TRPM7: variants seen among roughly 807,000 people sequenced by gnomAD.
The protein encoded by TRPM7 is LTRPC ion channel family member 7.
Under a neutral mutation model 229.7 loss-of-function variants are expected in TRPM7, and 134 were observed. The observed-to-expected ratio is 0.58, with a 90% confidence interval of 0.51 to 0.67. The LOEUF is 0.67. Among genes scored for constraint, TRPM7 ranks in the 30% least tolerant of loss-of-function variants. The probability of loss-of-function intolerance (pLI) is 0.00; values close to 1 mark genes in which losing one functional copy is unlikely to be tolerated. For synonymous variants in TRPM7, 699 were observed against 715.2 expected, an observed-to-expected ratio of 0.98 and a Z score of 0.36; for missense variants, 1,901 against 2,210.0, an observed-to-expected ratio of 0.86 and a Z score of 2.80.
intron 11 of TRPM7, 111 bp downstream of exon 11, chr15:50,628,038 T>C (rs1014185796): frequency 1.3e-5 from 10 of 747,148 alleles, no homozygotes; most frequent in African/African-American, 8.9e-5. Context: ...TAAACTATTT[T>C]TGAACTATTG....
At chr15:50,665,325 CAGAGATTGCAGTGAGCCA>C (rs1253614897) in intron 1 of TRPM7, among the ~76,000 whole-genome samples, 2 of 150,772 alleles carry the variant, frequency 1.3e-5, no homozygotes, top group South Asian at 2.1e-4. Context: ...ACCCGGGAGG[CAGAGATTGCAGTGAGCCA>C]AGATCATGCC....
At chr15:50,618,403 T>C (rs1289099570) in intron 13 of TRPM7, among the ~76,000 whole-genome samples, 1 of 151,954 alleles carries the variant, frequency 6.6e-6, no homozygotes, top group East Asian at 1.9e-4. Flanking sequence ...ACCCCGTCTC[T>C]ACTAAAAATA....
intron 6 of TRPM7, 22 bp downstream of exon 6, chr15:50,639,401 GA>G: frequency 6.5e-7 from 1 of 1,545,368 alleles, no homozygotes; most frequent in Non-Finnish European, 8.8e-7. Flanking sequence ...TCAAACATAA[GA>G]AATTTTAAAA....
intron 1 of TRPM7, among the ~76,000 whole-genome samples, chr15:50,665,377 A>G (rs532744669): frequency 4.2e-4 from 63 of 148,812 alleles, no homozygotes; most frequent in Non-Finnish European, 7.9e-4. Flanking sequence ...CTGGGTGAAA[A>G]GAGTAAAACT....
intron 13 of TRPM7, among the ~76,000 whole-genome samples, chr15:50,617,374 G>A (rs1465406279): frequency 6.6e-6 from 1 of 150,484 alleles, no homozygotes; most frequent in East Asian, 2.0e-4. Flanking sequence ...TTGGTGGCAG[G>A]CACCTGCAAT....
At chr15:50,615,432 T>G (rs2060197927) in intron 13 of TRPM7, among the ~76,000 whole-genome samples, 1 of 152,162 alleles carries the variant, frequency 6.6e-6, no homozygotes, top group African/African-American at 2.4e-5. Flanking sequence ...CATGGCAATT[T>G]ACAAATGCAC....
intron 10 of TRPM7, among the ~76,000 whole-genome samples, 174 bp from the exon 11 acceptor site, chr15:50,628,423 T>G (rs950144660): frequency 6.6e-6 from 1 of 152,108 alleles, no homozygotes; most frequent in Non-Finnish European, 1.5e-5. Context: ...ACCTCCCGCC[T>G]TAGCCTCCAA....
At chr15:50,679,569 T>C (rs2062199553) in intron 1 of TRPM7, among the ~76,000 whole-genome samples, 1 of 139,714 alleles carries the variant, frequency 7.2e-6, no homozygotes, top group African/African-American at 2.8e-5. Flanking sequence ...AGAGTCTTGT[T>C]TTGTCACCCA....
In TRPM7 at chr15:50,611,310, T is replaced by G. The variant is rs1290692738; in HGVS notation, c.2063A>C (p.Gln688Pro). 1 of 1,612,922 alleles carries G rather than the reference T, an allele frequency of 6.2e-7. No individual in the cohort carries two copies. The highest frequency in any genetic ancestry group is 1.1e-5 in the South Asian group (1 of 90,966). Residue 688 changes from glutamine (Q) to proline (P), a missense_variant, in exon 17 of 39, where the codon CAG (glutamine) becomes CCG (proline). By Grantham distance (76) the Gln-to-Pro change is moderately conservative. Coordinates refer to ENST00000646667, the MANE Select transcript of TRPM7 (RefSeq NM_017672.6). Reference sequence around the variant, plus strand: ...CTGTTCTAATAATTCAACGGCCAACTGACCAAAATCACTATAAAAAGATAA... The same window carrying G: ...CTGTTCTAATAATTCAACGGCCAACGGACCAAAATCACTATAAAAAGATAA... Reference protein sequence around the residue: ...ELKQYSNDFGQLAVELLEQSF... With the variant: ...ELKQYSNDFGPLAVELLEQSF...
intron 28 of TRPM7, among the ~76,000 whole-genome samples, chr15:50,585,338 C>T (rs1180985802): frequency 6.6e-6 from 1 of 152,216 alleles, no homozygotes; most frequent in Non-Finnish European, 1.5e-5. Flanking sequence ...GCTAGGATTA[C>T]AGGCGTAAGC....
intron 19 of TRPM7, 45 bp from the exon 20 acceptor site, chr15:50,607,373 T>C (rs761691254): frequency 2.8e-6 from 4 of 1,438,346 alleles, no homozygotes; most frequent in Non-Finnish European, 2.8e-6. Flanking sequence ...GGTTACAAAA[T>C]AAATCTTTTA....
At chr15:50,623,964 T>C (rs1311052421) in intron 12 of TRPM7, among the ~76,000 whole-genome samples, 1 of 152,126 alleles carries the variant, frequency 6.6e-6, no homozygotes, top group Non-Finnish European at 1.5e-5. Context: ...TATGTGGTTA[T>C]GGTGACAGGG....
At position 50,593,000 on chromosome 15, in the gene TRPM7, A is replaced by G. The variant is rs191116282; in HGVS notation, c.3609-374T>C. Among the ~76,000 whole-genome samples, 3 of 152,286 alleles carry G rather than the reference A, an allele frequency of 2.0e-5. No homozygotes were observed. In the East Asian group the frequency reaches 5.8e-4, roughly 29 times the overall value. On this transcript the variant is annotated intron_variant, in intron 25 of 38. Transcript: ENST00000646667. ...AATGTAGTGAAGCCAACAGAAAAAA[A>G]GAAATGCTGGCCAGGCACAGTGGCT...
At chr15:50,668,036 ATTCT>A (rs796615230) in intron 1 of TRPM7, among the ~76,000 whole-genome samples, 8 of 152,332 alleles carry the variant, frequency 5.3e-5, no homozygotes, top group African/African-American at 1.7e-4. Flanking sequence ...GGTAACCAAA[ATTCT>A]TTGTCAATCG....
At chr15:50,612,371 G>C (rs549469221) in intron 16 of TRPM7, among the ~76,000 whole-genome samples, 178 bp downstream of exon 16, 11 of 152,040 alleles carry the variant, frequency 7.2e-5, no homozygotes, top group Non-Finnish European at 1.5e-4. Context: ...CTTTTTCATA[G>C]AGGCAGAAAG....
At chr15:50,677,430 C>G (rs1435044519) in intron 1 of TRPM7, among the ~76,000 whole-genome samples, 1 of 151,748 alleles carries the variant, frequency 6.6e-6, no homozygotes, top group Non-Finnish European at 1.5e-5. Context: ...CACACACACA[C>G]AGAGCACAGG....
intron 12 of TRPM7, among the ~76,000 whole-genome samples, chr15:50,621,568 T>G (rs1481821965): frequency 6.6e-6 from 1 of 152,196 alleles, no homozygotes; most frequent in African/African-American, 2.4e-5. Flanking sequence ...TTCATTCTTA[T>G]TCTCTCAGTG....
chr15:50,671,039 T>G (rs556490834), intron 1 of TRPM7, among the ~76,000 whole-genome samples: 2 of 152,290 alleles, frequency 1.3e-5, no homozygotes, highest in East Asian at 3.9e-4. Flanking sequence ...TCATATACAT[T>G]GCCTCACATA....
At chr15:50,565,523 TAATC>T (rs1420018842) in intron 38 of TRPM7, among the ~76,000 whole-genome samples, 1 of 152,072 alleles carries the variant, frequency 6.6e-6, no homozygotes, top group Non-Finnish European at 1.5e-5. Flanking sequence ...AATGATAAAA[TAATC>T]AATTCGCCAA....
Sources: allele counts gnomAD v4.1 joint callset (sites outside exome capture counted in the v4.1 genomes callset), GRCh38; gene constraint gnomAD v4.1.1; transcripts MANE v1.5; gene names NCBI Gene and HGNC (gene_info 2026-07-23, HGNC 2026-07-21).